NTRK3: variants seen among roughly 807,000 people sequenced by gnomAD.
NTRK3 encodes the protein NT-3 growth factor receptor.
A neutral mutation model predicts 91.7 loss-of-function variants in NTRK3; 24 were observed. The observed-to-expected ratio is 0.26, with a 90% CI of 0.19 to 0.37. The LOEUF is 0.37. NTRK3 is among the 10% of genes least tolerant of loss of function. The pLI is 1.00. For synonymous variants in NTRK3, 483 were observed against 404.0 expected (o/e 1.20, Z -2.34); for missense variants, 880 against 1,068.9 (o/e 0.82, Z 2.46).
chr15:88,067,193 G>A (rs1240710779), intron 13 of NTRK3, among the ~76,000 whole-genome samples: 1 of 152,108 alleles, frequency 6.6e-6, no homozygotes, highest in Non-Finnish European at 1.5e-5. Flanking sequence ...GTCCCATTCA[G>A]CACAGCCCCT....
At chr15:88,033,212 ATAT>A in intron 13 of NTRK3, among the ~76,000 whole-genome samples, 167 bp from the exon 14 acceptor site, 1 of 127,088 alleles carries the variant, frequency 7.9e-6, no homozygotes, top group Middle Eastern at 4.2e-3. Flanking sequence ...ATATATATAT[ATAT>A]AAATTCAGTT....
rs1018530542 is a variant in NTRK3, at chr15:88,075,174, G to T, written c.1397-42129C>A. Among the ~76,000 whole-genome samples, 3 of 152,146 alleles carry T rather than the reference G, an allele frequency of 2.0e-5. No individual in the cohort carries two copies. The East Asian group carries it at 5.8e-4, about 29-fold the overall frequency. On this transcript the variant is annotated intron_variant, in intron 13 of 18. Coordinates refer to ENST00000394480, the Ensembl canonical transcript of NTRK3. The stretch of plus-strand genomic sequence containing the variant: ...GTGCATCCCTCAGCTGCCTGGATCA[G>T]CTGGGCCTCCCTGCCATGAACTTGA...
At chr15:88,128,929 T>C (rs1305085791) in intron 10 of NTRK3, among the ~76,000 whole-genome samples, 195 bp from the exon 11 acceptor site, 1 of 152,108 alleles carries the variant, frequency 6.6e-6, no homozygotes, top group Non-Finnish European at 1.5e-5. Flanking sequence ...GTCCTCCAAA[T>C]GGAGAAGGAA....
chr15:88,142,802 G>A (rs1317683841), intron 6 of NTRK3, among the ~76,000 whole-genome samples: 1 of 152,218 alleles, frequency 6.6e-6, no homozygotes, highest in Non-Finnish European at 1.5e-5. Flanking sequence ...CCAAACCCTA[G>A]TATCTGTGAA....
intron 14 of NTRK3, among the ~76,000 whole-genome samples, chr15:87,984,916 A>G (rs1047422249): frequency 6.6e-6 from 1 of 152,146 alleles, no homozygotes; most frequent in African/African-American, 2.4e-5. Flanking sequence ...ACTTATTTAC[A>G]GTACCTACAT....
At chr15:87,896,809 G>T (rs74318677) in intron 17 of NTRK3, among the ~76,000 whole-genome samples, 2,301 of 152,250 alleles carry the variant, frequency 0.015, 42 homozygotes, top group African/African-American at 0.034. Context: ...AGTGACATCA[G>T]ACTTCTGACT....
At chr15:88,152,843 A>T (rs1035693567) in intron 5 of NTRK3, among the ~76,000 whole-genome samples, 2 of 152,222 alleles carry the variant, frequency 1.3e-5, no homozygotes, top group African/African-American at 4.8e-5. Flanking sequence ...CTAATCTGGT[A>T]TCTGCCCACT....
chr15:88,120,723 A>T (rs1268811291), intron 13 of NTRK3, among the ~76,000 whole-genome samples: 1 of 152,272 alleles, frequency 6.6e-6, no homozygotes, highest in Non-Finnish European at 1.5e-5. Flanking sequence ...CACAGCATTC[A>T]AAGTTAATTA....
chr15:88,230,861 C>A (rs2051123156), intron 3 of NTRK3, among the ~76,000 whole-genome samples: 2 of 152,220 alleles, frequency 1.3e-5, no homozygotes, highest in Non-Finnish European at 2.9e-5. Context: ...ATTAATAAAG[C>A]TCTCACAAGA....
At chr15:88,061,926 G>A (rs1399441297) in intron 13 of NTRK3, among the ~76,000 whole-genome samples, 2 of 152,102 alleles carry the variant, frequency 1.3e-5, no homozygotes, top group African/African-American at 4.8e-5. Context: ...TAGGACAATC[G>A]ACCTTCGGTA....
intron 14 of NTRK3, among the ~76,000 whole-genome samples, chr15:88,017,613 T>A (rs189344045): frequency 6.6e-6 from 1 of 152,110 alleles, no homozygotes; most frequent in African/African-American, 2.4e-5. Flanking sequence ...CAAAGGAATA[T>A]ATGTGAAGGG....
chr15:88,067,264 C>T (rs1486374238), intron 13 of NTRK3, among the ~76,000 whole-genome samples: 1 of 152,138 alleles, frequency 6.6e-6, no homozygotes, highest in Admixed American at 6.6e-5. Context: ...ATTCTACTAT[C>T]TGTGAAGTCT....
intron 13 of NTRK3, among the ~76,000 whole-genome samples, chr15:88,034,791 G>A (rs2078924641): frequency 6.6e-6 from 1 of 152,254 alleles, no homozygotes; most frequent in Non-Finnish European, 1.5e-5. Context: ...ATATCTGACT[G>A]TGTTTGGAGA....
intron 13 of NTRK3, among the ~76,000 whole-genome samples, chr15:88,116,235 G>A (rs961487999): frequency 6.6e-6 from 1 of 152,136 alleles, no homozygotes; most frequent in Non-Finnish European, 1.5e-5. Flanking sequence ...AACAGTTTTA[G>A]GAAAGAAGAG....
At chr15:87,981,968 T>C (rs1450636780) in intron 14 of NTRK3, among the ~76,000 whole-genome samples, 2 of 152,212 alleles carry the variant, frequency 1.3e-5, no homozygotes, top group African/African-American at 4.8e-5. Flanking sequence ...ACCTGAAGAC[T>C]ACAACTTCTA....
At chr15:88,058,507 G>A (rs1008634798) in intron 13 of NTRK3, among the ~76,000 whole-genome samples, 23 of 152,060 alleles carry the variant, frequency 1.5e-4, no homozygotes, top group South Asian at 6.2e-4. Flanking sequence ...TCTGTCTGTG[G>A]GTCTCTCTCC....
chr15:87,984,905 C>G (rs746572571), intron 14 of NTRK3, among the ~76,000 whole-genome samples: 1 of 152,150 alleles, frequency 6.6e-6, no homozygotes, highest in African/African-American at 2.4e-5. Flanking sequence ...TTCACCCCTG[C>G]ACTTATTTAC....
At chr15:88,057,120 G>C (rs1197629606) in intron 13 of NTRK3, among the ~76,000 whole-genome samples, 22 of 146,702 alleles carry the variant, frequency 1.5e-4, no homozygotes, top group African/African-American at 5.1e-4. Flanking sequence ...AGTGAGTCGA[G>C]ATCGCGCCAC....
intron 14 of NTRK3, among the ~76,000 whole-genome samples, chr15:87,950,741 C>G (rs1271457494): frequency 6.6e-6 from 1 of 152,188 alleles, no homozygotes; most frequent in African/African-American, 2.4e-5. Context: ...GTCGAAGGAG[C>G]TAATGCCCAT....
Sources: gnomAD v4.1 joint callset for allele counts (sites outside exome capture counted in the v4.1 genomes callset) on GRCh38, gnomAD v4.1.1 for gene constraint, MANE v1.5 for transcripts, NCBI Gene and HGNC (gene_info 2026-07-23, HGNC 2026-07-21) for gene names.